TRPS1: variants seen among roughly 807,000 people sequenced by gnomAD.
TRPS1 encodes zinc finger transcription factor Trps1.
In TRPS1, 6 loss-of-function variants were observed where a neutral mutation model predicts 101.2. The observed-to-expected ratio is 0.06, with a 90% CI of 0.03 to 0.12. The LOEUF (loss-of-function observed/expected upper bound fraction) is 0.12, where lower values mean the gene tolerates loss of function less well. TRPS1 is among the 10% of genes least tolerant of loss of function. The probability of loss-of-function intolerance (pLI) is 1.00; values close to 1 mark genes in which losing one functional copy is unlikely to be tolerated. For missense variants in TRPS1, 1,363 were observed against 1,567.0 expected (o/e 0.87, Z 2.20); for synonymous variants, 578 against 589.8 (o/e 0.98, Z 0.29).
chr8:115,658,604 A>G (rs1299435093), intron 1 of TRPS1, among the ~76,000 whole-genome samples: 5 of 152,114 alleles, frequency 3.3e-5, no homozygotes, highest in African/African-American at 1.2e-4. Context: ...TCATTTTTAA[A>G]GTGTTAGTAT....
intron 5 of TRPS1, among the ~76,000 whole-genome samples, chr8:115,503,178 C>T (rs1397547813): frequency 1.3e-5 from 2 of 149,692 alleles, no homozygotes; most frequent in African/African-American, 4.9e-5. Flanking sequence ...GGCATGAACC[C>T]AGGAGGCAGA....
At chr8:115,416,448 A>G (rs755069443) in intron 6 of TRPS1, among the ~76,000 whole-genome samples, 40 of 150,804 alleles carry the variant, frequency 2.7e-4, no homozygotes, top group Non-Finnish European at 1.2e-4. Context: ...CACATAAAAC[A>G]TGACTATAAA....
intron 5 of TRPS1, among the ~76,000 whole-genome samples, chr8:115,574,285 A>G (rs1015965094): frequency 1.3e-5 from 2 of 152,148 alleles, no homozygotes; most frequent in Non-Finnish European, 2.9e-5. Context: ...GTTTGAGTAC[A>G]GGTTAGTTTG....
At chr8:115,509,015 A>G (rs1332294331) in intron 5 of TRPS1, among the ~76,000 whole-genome samples, 1 of 151,972 alleles carries the variant, frequency 6.6e-6, no homozygotes, top group Admixed American at 6.6e-5. Context: ...TGAATTAAAC[A>G]AACATCTTGG....
At chr8:115,514,964 GT>G (rs1399649802) in intron 5 of TRPS1, among the ~76,000 whole-genome samples, 4 of 151,466 alleles carry the variant, frequency 2.6e-5, no homozygotes, top group African/African-American at 9.7e-5. Context: ...TGTTTTTCCA[GT>G]ATGACAAAGA....
intron 5 of TRPS1, among the ~76,000 whole-genome samples, chr8:115,441,306 A>G (rs191834969): frequency 2.0e-5 from 3 of 152,322 alleles, no homozygotes; most frequent in Non-Finnish European, 4.4e-5. Flanking sequence ...GTTTTAGCAC[A>G]TGGGTTTTTA....
chr8:115,568,176 C>A (rs547775681), intron 5 of TRPS1, among the ~76,000 whole-genome samples: 1 of 152,034 alleles, frequency 6.6e-6, no homozygotes, highest in South Asian at 2.1e-4. Context: ...ACTCCCCCAG[C>A]AAAAACCAAA....
intron 5 of TRPS1, among the ~76,000 whole-genome samples, chr8:115,442,552 T>TGC (rs776271990): frequency 1.5e-4 from 18 of 117,082 alleles, no homozygotes; most frequent in African/African-American, 7.3e-4. Flanking sequence ...GTATGGTGCG[T>TGC]GTGTGTGTGT....
intron 5 of TRPS1, among the ~76,000 whole-genome samples, chr8:115,521,972 G>A (rs139321554): frequency 2.0e-5 from 3 of 151,896 alleles, no homozygotes; most frequent in East Asian, 1.9e-4. Context: ...TATTATAAAC[G>A]TTTACTGCTA....
At chr8:115,663,023 C>A (rs1811841758) in intron 1 of TRPS1, among the ~76,000 whole-genome samples, 1 of 151,592 alleles carries the variant, frequency 6.6e-6, no homozygotes, top group African/African-American at 2.4e-5. Flanking sequence ...ATTTTTTTTC[C>A]AAATAAGAAA....
At chr8:115,524,272 ACACT>A (rs762510781) in intron 5 of TRPS1, among the ~76,000 whole-genome samples, 61 of 151,002 alleles carry the variant, frequency 4.0e-4, no homozygotes, top group South Asian at 4.2e-4. Context: ...ATAACATAAA[ACACT>A]CACAATTCTG....
At chr8:115,580,056 G>A (rs921264909) in intron 5 of TRPS1, among the ~76,000 whole-genome samples, 1 of 151,822 alleles carries the variant, frequency 6.6e-6, no homozygotes, top group African/African-American at 2.4e-5. Context: ...AGGAAAAAGG[G>A]TCTTCAAACA....
intron 5 of TRPS1, among the ~76,000 whole-genome samples, chr8:115,513,281 T>C (rs571342701): frequency 2.0e-4 from 30 of 151,820 alleles, no homozygotes; most frequent in African/African-American, 7.2e-4. Flanking sequence ...GGGAGAATGA[T>C]TGGTGTTTCT....
intron 5 of TRPS1, among the ~76,000 whole-genome samples, chr8:115,483,687 T>C (rs1814811679): frequency 6.6e-6 from 1 of 152,196 alleles, no homozygotes; most frequent in Non-Finnish European, 1.5e-5. Context: ...TCTGGTCTAA[T>C]TCCCAAACAT....
chr8:115,665,383 A>C (rs1407796742), intron 1 of TRPS1, among the ~76,000 whole-genome samples: 1 of 152,184 alleles, frequency 6.6e-6, no homozygotes, highest in African/African-American at 2.4e-5. Context: ...ATCTAATAAT[A>C]GTAGTGATAA....
intron 1 of TRPS1, among the ~76,000 whole-genome samples, chr8:115,636,136 T>A (rs1818761938): frequency 6.6e-6 from 1 of 151,928 alleles, no homozygotes; most frequent in Non-Finnish European, 1.5e-5. Context: ...GTAAATATAA[T>A]CATTATATTC....
intron 5 of TRPS1, among the ~76,000 whole-genome samples, chr8:115,447,827 A>G (rs1291486443): frequency 6.6e-6 from 1 of 152,192 alleles, no homozygotes; most frequent in Non-Finnish European, 1.5e-5. Flanking sequence ...AAATCACTGT[A>G]CAGAGATCTA....
At chr8:115,547,697 C>T (rs183392767) in intron 5 of TRPS1, among the ~76,000 whole-genome samples, 169 of 152,202 alleles carry the variant, frequency 1.1e-3, no homozygotes, top group Admixed American at 1.8e-3. Context: ...ACCCTCATCC[C>T]GGGAAAGGCT....
intron 5 of TRPS1, among the ~76,000 whole-genome samples, chr8:115,545,355 A>G (rs181489499): frequency 6.6e-6 from 1 of 152,284 alleles, no homozygotes; most frequent in East Asian, 1.9e-4. Flanking sequence ...TCCTCTATTC[A>G]GTAGCATTTT....
Sources: gnomAD v4.1 joint callset for allele counts (sites outside exome capture counted in the v4.1 genomes callset) on GRCh38, gnomAD v4.1.1 for gene constraint, MANE v1.5 for transcripts, NCBI Gene and HGNC (gene_info 2026-07-23, HGNC 2026-07-21) for gene names.